ALKBH3: variants seen among roughly 807,000 people sequenced by gnomAD.
ALKBH3 encodes the protein alpha-ketoglutarate-dependent dioxygenase alkB homolog 3.
ALKBH3 carries 51 observed loss-of-function variants against 43.9 expected under a neutral mutation model. The observed-to-expected ratio is 1.16, with a 90% CI of 0.93 to 1.47. The LOEUF (loss-of-function observed/expected upper bound fraction) is 1.47, where lower values mean the gene tolerates loss of function less well. ALKBH3 is among the 40% of genes most tolerant of loss of function. ALKBH3 has a pLI of 0.00. For missense variants in ALKBH3, 361 were observed against 351.9 expected (o/e 1.03, Z -0.21); for synonymous variants, 102 against 115.2 (o/e 0.89, Z 0.73).
intron 8 of ALKBH3, chr11:43,912,575 T>A (rs1951948322): frequency 6.6e-6 from 1 of 152,220 alleles, no homozygotes; most frequent in Non-Finnish European, 1.5e-5. Context: ...AGTACAGAGA[T>A]GGAGGTTTTT....
chr11:43,885,323 A>T (rs1951739663), intron 4 of ALKBH3, among the ~76,000 whole-genome samples: 1 of 152,222 alleles, frequency 6.6e-6, no homozygotes, highest in South Asian at 2.1e-4. Context: ...TGGGCCAAAA[A>T]TACACCATAT....
At chr11:43,899,074 C>G in intron 7 of ALKBH3, 1 of 751,306 alleles carries the variant, frequency 1.3e-6, no homozygotes, top group African/African-American at 1.7e-5. Flanking sequence ...TCAGTCACCA[C>G]TTGGAATTTT....
At position 43,919,154 on chromosome 11, in the gene ALKBH3, A is replaced by T; in HGVS notation, c.768+18A>T. 1 of 1,591,986 alleles carries T rather than the reference A, an allele frequency of 6.3e-7. No individual in the cohort carries two copies. The highest frequency in any genetic ancestry group is 8.6e-7 in the Non-Finnish European group (1 of 1,160,324). On this transcript the variant is annotated intron_variant, in intron 9 of 9. Coordinates refer to ENST00000302708, the MANE Select transcript of ALKBH3 (RefSeq NM_139178.4). ...ACTGGCAGGTGAGGATCTGCAAGTA[A>T]TATGAATCTGCTTTCATGTGGAGGC...
chr11:43,882,918 A>G, intron 2 of ALKBH3, 167 bp from the exon 3 acceptor site: 3 of 823,492 alleles, frequency 3.6e-6, no homozygotes, highest in South Asian at 1.9e-5. Flanking sequence ...TGTTCCTCAT[A>G]TTTAGTCCAC....
At chr11:43,902,752 AC>A (rs1565127284) in intron 8 of ALKBH3, among the ~76,000 whole-genome samples, 1 of 152,090 alleles carries the variant, frequency 6.6e-6, no homozygotes, top group Non-Finnish European at 1.5e-5. Context: ...GTGTGCCAGG[AC>A]CCCTGGCTAA....
At chr11:43,885,298 A>G (rs1476583655) in intron 4 of ALKBH3, among the ~76,000 whole-genome samples, 2 of 152,202 alleles carry the variant, frequency 1.3e-5, no homozygotes, top group Non-Finnish European at 2.9e-5. Context: ...ATTTAAAGTG[A>G]GCCATTTCTG....
rs572692418 is a variant in ALKBH3 at position 43,886,472 on chromosome 11, G to A, written c.219-134G>A. On this transcript the variant is annotated intron_variant, in intron 4 of 9. Transcript: ENST00000302708. ...ATCTTCTCAGTGGTAGAAGAAGGTG[G>A]GGATTATGCCTCTCTCATAACTAAA... 1.5e-4 allele frequency: 110 copies of A among 711,738 alleles called. No individual in the cohort carries two copies. In the African/African-American group the frequency reaches 1.9e-3, roughly 12 times the overall value. The allele number at this position is 711,738 out of a possible 1,614,324, so 44.1% of individuals were successfully genotyped here. A position where few individuals can be genotyped will look rare whatever the true frequency, so the allele number is the denominator to read the frequency against.
At chr11:43,919,252 G>T in intron 9 of ALKBH3, 116 bp downstream of exon 9, 1 of 845,610 alleles carries the variant, frequency 1.2e-6, no homozygotes. Context: ...CGAGCAAGAG[G>T]GAATGAGCTG....
chr11:43,886,806 A>G (rs959733136), intron 5 of ALKBH3, among the ~76,000 whole-genome samples, 153 bp downstream of exon 5: 7 of 152,240 alleles, frequency 4.6e-5, no homozygotes, highest in Non-Finnish European at 8.8e-5. Flanking sequence ...CTTTGCGGGA[A>G]CATGGATGGA....
At chr11:43,917,398 G>A (rs1951992406) in intron 8 of ALKBH3, among the ~76,000 whole-genome samples, 1 of 152,164 alleles carries the variant, frequency 6.6e-6, no homozygotes, top group Non-Finnish European at 1.5e-5. Flanking sequence ...GTGGTTAAGT[G>A]TCTTTCCTTT....
chr11:43,916,262 C>G (rs1951982735), intron 8 of ALKBH3, among the ~76,000 whole-genome samples: 1 of 152,066 alleles, frequency 6.6e-6, no homozygotes, highest in Non-Finnish European at 1.5e-5. Context: ...TTAAAGGAAA[C>G]TGAATAGGAT....
At chr11:43,882,890 C>A in intron 2 of ALKBH3, 159 bp downstream of exon 2, 1 of 925,108 alleles carries the variant, frequency 1.1e-6, no homozygotes, top group Non-Finnish European at 1.6e-6. Flanking sequence ...TGATGGTGAG[C>A]TAAGGGTGGG....
chr11:43,913,333 C>T (rs773555854), intron 8 of ALKBH3, among the ~76,000 whole-genome samples: 20 of 151,958 alleles, frequency 1.3e-4, no homozygotes, highest in African/African-American at 4.4e-4. Flanking sequence ...GTAGTTTTTC[C>T]GTCCTCACCC....
At chr11:43,911,445 A>G (rs866191957) in intron 8 of ALKBH3, among the ~76,000 whole-genome samples, 2 of 152,154 alleles carry the variant, frequency 1.3e-5, no homozygotes, top group Non-Finnish European at 2.9e-5. Flanking sequence ...TACGTGCAAA[A>G]TCTGAGGTGC....
At chr11:43,897,762 T>C in intron 7 of ALKBH3, 1 of 802,508 alleles carries the variant, frequency 1.2e-6, no homozygotes, top group Non-Finnish European at 2.3e-6. Flanking sequence ...TGAAACATTT[T>C]CCAATTGCTA....
At chr11:43,897,877 T>C (rs1350248842) in intron 7 of ALKBH3, 14 of 784,804 alleles carry the variant, frequency 1.8e-5, no homozygotes, top group East Asian at 4.8e-5. Context: ...AAAATTGCAA[T>C]GAAACAATAT....
chr11:43,899,635 C>T, intron 7 of ALKBH3: 1 of 481,540 alleles, frequency 2.1e-6, no homozygotes. Context: ...CACCCTCCCG[C>T]CGAGCAGAGA....
chr11:43,883,875 A>G, intron 3 of ALKBH3, 108 bp from the exon 4 acceptor site: 3 of 1,364,822 alleles, frequency 2.2e-6, no homozygotes, highest in Non-Finnish European at 3.1e-6. Flanking sequence ...GGAATAGAAA[A>G]GAGATAGTTT....
In ALKBH3 at chr11:43,883,051, C is replaced by T. The variant is rs1224215231; in HGVS notation, c.80-34C>T. The T allele has an allele frequency of 2.5e-6, 4 of 1,572,358 alleles. No homozygotes were observed. The Admixed American group carries it at 6.8e-5, about 27-fold the overall frequency. ...TAGAAGGTGCTGAGAACAGACTTTC[C>T]CCTGGTTTGAGGCTGTCCCCTCTCT... is the stretch of plus-strand genomic sequence containing the variant. On this transcript the variant is annotated intron_variant, in intron 2 of 9. Coordinates refer to ENST00000302708, the MANE Select transcript of ALKBH3 (RefSeq NM_139178.4).
Sources: allele counts gnomAD v4.1 joint callset (sites outside exome capture counted in the v4.1 genomes callset), GRCh38; gene constraint gnomAD v4.1.1; transcripts MANE v1.5; gene names NCBI Gene and HGNC (gene_info 2026-07-23, HGNC 2026-07-21).